EFHC2: variants seen among roughly 807,000 people sequenced by gnomAD.
EFHC2 encodes EF-hand domain containing 2.
In EFHC2, 18 loss-of-function variants were observed where a neutral mutation model predicts 52.7. The observed-to-expected ratio is 0.34, with a 90% CI of 0.24 to 0.51. The LOEUF (loss-of-function observed/expected upper bound fraction) is 0.51. Among genes scored for constraint, EFHC2 ranks in the 20% least tolerant of loss-of-function variants. The pLI is 0.97. For synonymous variants in EFHC2, 203 were observed against 204.1 expected (o/e 0.99, Z 0.04); for missense variants, 513 against 562.5 (o/e 0.91, Z 0.89).
At chrX:44,249,030 A>G in intron 5 of EFHC2, 114 bp from the exon 6 acceptor site, 1 of 410,915 alleles carries the variant, frequency 2.4e-6, no homozygotes, top group Non-Finnish European at 4.2e-6. Flanking sequence ...GAATGAATGA[A>G]TAAAATGAAT....
chrX:44,223,773 TA>T (rs2037211656), intron 11 of EFHC2, among the ~76,000 whole-genome samples: 1 of 112,442 alleles, frequency 8.9e-6, no homozygotes, highest in Non-Finnish European at 1.9e-5. Flanking sequence ...TAGTTCATGA[TA>T]AGAACCTATG....
At chrX:44,165,750 C>T (rs1260628551) in intron 13 of EFHC2, among the ~76,000 whole-genome samples, 18 of 111,095 alleles carry the variant, frequency 1.6e-4, no homozygotes. Flanking sequence ...ATGTTTGTGT[C>T]CCCTCAAAAT....
intron 4 of EFHC2, among the ~76,000 whole-genome samples, chrX:44,251,096 G>A (rs1220456174): frequency 5.7e-5 from 6 of 105,385 alleles, no homozygotes; most frequent in Non-Finnish European, 1.2e-4. Flanking sequence ...AAAATTAGCC[G>A]GGCGTGGTGG....
intron 1 of EFHC2, among the ~76,000 whole-genome samples, chrX:44,329,475 A>G (rs991385906): frequency 2.7e-5 from 3 of 111,936 alleles, no homozygotes; most frequent in Non-Finnish European, 5.6e-5. Flanking sequence ...AAAAGATTCA[A>G]AAGCAATTCA....
rs1299373887 is a variant in EFHC2 at position 44,148,381 on chromosome X, C to T, written c.*414G>A. On this transcript the variant is annotated 3_prime_UTR_variant, in exon 15 of 15. Transcript: ENST00000420999. ...AAAACTTAATTATGTAAGTAATAAA[C>T]GTGTCAAAAAGGTTTCAAAAATGTT... The T allele has an allele frequency of 1.7e-5, 2 of 120,817 alleles. No homozygotes were observed. The highest frequency in any genetic ancestry group is 6.5e-5 in the African/African-American group (2 of 30,590). 10.0% of individuals were successfully genotyped at this position (120,817 alleles called of 1,213,427 possible). A position where few individuals can be genotyped will look rare whatever the true frequency, so the allele number is the denominator to read the frequency against.
At chrX:44,292,929 C>A (rs766376853) in intron 2 of EFHC2, among the ~76,000 whole-genome samples, 1 of 110,231 alleles carries the variant, frequency 9.1e-6, no homozygotes, top group Non-Finnish European at 1.9e-5. Flanking sequence ...ACCAACTAAA[C>A]CTCTTTATAA....
chrX:44,316,045 C>A (rs2037980965), intron 1 of EFHC2, among the ~76,000 whole-genome samples: 1 of 111,274 alleles, frequency 9.0e-6, no homozygotes, highest in Non-Finnish European at 1.9e-5. Flanking sequence ...CCCTGAGGAG[C>A]TTTCTCCACT....
chrX:44,320,153 G>A (rs1303462695), intron 1 of EFHC2, among the ~76,000 whole-genome samples: 1 of 111,560 alleles, frequency 9.0e-6, no homozygotes, highest in Non-Finnish European at 1.9e-5. Flanking sequence ...ATGTTGGCCA[G>A]ACTGGTCTTG....
chrX:44,214,242 A>G (rs1294024186), intron 11 of EFHC2, among the ~76,000 whole-genome samples: 1 of 112,257 alleles, frequency 8.9e-6, no homozygotes, highest in Non-Finnish European at 1.9e-5. Flanking sequence ...AACTCAGAGA[A>G]CAACAGACAC....
At position 44,213,370 on chromosome X, in the gene EFHC2, G is replaced by T. The variant is rs191693383; in HGVS notation, c.1751+16279C>A. Among the ~76,000 whole-genome samples the T allele has an allele frequency of 4.5e-5, 5 of 111,797 alleles. No individual in the cohort carries two copies. In the Admixed American group the frequency reaches 4.7e-4, roughly 11 times the overall value. ...GAAGAGATTTATCTGAGCCAAATATGAGTGACCAGTGGCCCGTGACACAGC... is the reference window on the plus strand; with the variant it reads ...GAAGAGATTTATCTGAGCCAAATATTAGTGACCAGTGGCCCGTGACACAGC... On this transcript the variant is annotated intron_variant, in intron 11 of 14. Transcript: ENST00000420999.
At chrX:44,158,258 T>C (rs2036624015) in intron 14 of EFHC2, among the ~76,000 whole-genome samples, 1 of 111,925 alleles carries the variant, frequency 8.9e-6, no homozygotes, top group East Asian at 2.8e-4. Flanking sequence ...TAAGTTTTTT[T>C]TATTTCTAAG....
intron 1 of EFHC2, among the ~76,000 whole-genome samples, chrX:44,323,584 A>G (rs1477115736): frequency 1.2e-5 from 1 of 84,991 alleles, no homozygotes; most frequent in Non-Finnish European, 2.3e-5. Flanking sequence ...ATGAACTTTG[A>G]AGAGTTAATG....
chrX:44,264,749 T>C, intron 3 of EFHC2, among the ~76,000 whole-genome samples: 1 of 112,131 alleles, frequency 8.9e-6, no homozygotes, highest in Admixed American at 9.5e-5. Flanking sequence ...AGAATTAAAA[T>C]TTCTAATTAT....
intron 8 of EFHC2, 122 bp from the exon 9 acceptor site, chrX:44,235,569 G>C: frequency 9.0e-6 from 6 of 664,871 alleles, no homozygotes; most frequent in Non-Finnish European, 1.3e-5. Context: ...TGTCCAAAGT[G>C]AAAGAGTTCA....
intron 1 of EFHC2, among the ~76,000 whole-genome samples, chrX:44,331,585 A>C (rs1474952297): frequency 8.9e-6 from 1 of 112,067 alleles, no homozygotes; most frequent in Non-Finnish European, 1.9e-5. Context: ...AGTGGAGTAT[A>C]TCAATGTCAA....
At chrX:44,159,082 C>T (rs936174352) in intron 14 of EFHC2, among the ~76,000 whole-genome samples, 1 of 112,557 alleles carries the variant, frequency 8.9e-6, no homozygotes, top group African/African-American at 3.2e-5. Flanking sequence ...AAAAGACATG[C>T]TAACTCCAGA....
intron 1 of EFHC2, among the ~76,000 whole-genome samples, chrX:44,315,121 T>G (rs2037975287): frequency 9.0e-6 from 1 of 110,811 alleles, no homozygotes; most frequent in Non-Finnish European, 1.9e-5. Context: ...ACATGAGATC[T>G]GCTTGTTTAA....
At chrX:44,329,902 G>A (rs1487746685) in intron 1 of EFHC2, among the ~76,000 whole-genome samples, 2 of 109,057 alleles carry the variant, frequency 1.8e-5, no homozygotes, top group African/African-American at 3.3e-5. Flanking sequence ...CACCATGCCC[G>A]GCAGATCACA....
intron 9 of EFHC2, 87 bp from the exon 10 acceptor site, chrX:44,232,764 C>T (rs918816279): frequency 1.2e-6 from 1 of 867,325 alleles, no homozygotes; most frequent in African/African-American, 2.0e-5. Flanking sequence ...TCTTCAAGCA[C>T]AGACCACCAT....
Sources: gnomAD v4.1 joint callset for allele counts (sites outside exome capture counted in the v4.1 genomes callset) on GRCh38, gnomAD v4.1.1 for gene constraint, MANE v1.5 for transcripts, NCBI Gene and HGNC (gene_info 2026-07-23, HGNC 2026-07-21) for gene names.